The following NBAS variants were observed in gnomAD, a reference collection of about 807,000 sequenced individuals.
NBAS encodes the protein NBAS subunit of NRZ tethering complex, also known as NAG/BC035112 fusion.
NBAS carries 219 observed loss-of-function variants against 302.5 expected under a neutral mutation model. The ratio of observed to expected loss-of-function variants is 0.72; its 90% confidence interval spans 0.65 to 0.81. NBAS has a LOEUF of 0.81. Among genes scored for constraint, NBAS ranks in the 30% least tolerant of loss-of-function variants. The pLI, the probability that NBAS is intolerant of heterozygous loss-of-function variation, is 0.00. For missense variants in NBAS, 2,932 were observed against 2,841.6 expected (o/e 1.03, Z -0.72); for synonymous variants, 1,118 against 1,021.6 (o/e 1.09, Z -1.80).
the NBAS span, among the ~76,000 whole-genome samples, chr2:14,868,850 C>A: frequency 2.0e-5 from 3 of 152,148 alleles, no homozygotes; most frequent in Non-Finnish European, 2.9e-5. Context: ...TACAGCAGAG[C>A]ATAGGGAATA....
At chr2:14,866,177 T>C in the NBAS span, among the ~76,000 whole-genome samples, 2 of 152,168 alleles carry the variant, frequency 1.3e-5, no homozygotes, top group Admixed American at 6.5e-5. Context: ...TCCCACTCCA[T>C]TATTTTAGAG....
intron 21 of NBAS, 87 bp downstream of exon 21, chr2:15,461,112 TTA>T: frequency 1.7e-6 from 2 of 1,205,194 alleles, no homozygotes; most frequent in African/African-American, 1.5e-5. Context: ...TACATTAAAA[TTA>T]TTTTTTTTAA....
At chr2:15,340,769 G>A (rs73197068) in intron 35 of NBAS, among the ~76,000 whole-genome samples, 1,892 of 152,238 alleles carry the variant, frequency 0.012, 36 homozygotes, top group African/African-American at 0.043. Context: ...GCAGTGGCCA[G>A]TGAGGTCTGA....
rs150377968 is a variant in NBAS, at chr2:15,289,103, G to T, written c.5028-1920C>A. Among the ~76,000 whole-genome samples the T allele has an allele frequency of 2.4e-3, 361 of 152,140 alleles. 1 individual carries two copies. Among genetic ancestry groups the T allele is most frequent in the African/African-American group, 8.0e-3 (333 of 41,516 alleles). On this transcript the variant is annotated intron_variant, in intron 41 of 51. Transcript: ENST00000281513. ...TTTATTTTTTATTTTTTGCGACAGGGTCTTTCTCTGCCTTCCAGGCTGGAG... is the reference window on the plus strand; with the variant it reads ...TTTATTTTTTATTTTTTGCGACAGGTTCTTTCTCTGCCTTCCAGGCTGGAG...
At chr2:14,817,994 C>T in the NBAS span, among the ~76,000 whole-genome samples, 2 of 152,158 alleles carry the variant, frequency 1.3e-5, no homozygotes, top group African/African-American at 4.8e-5. Flanking sequence ...AGCTCCTGAT[C>T]ATACTGTTCT....
At chr2:15,316,467 G>A (rs1671515393) in intron 38 of NBAS, among the ~76,000 whole-genome samples, 1 of 152,166 alleles carries the variant, frequency 6.6e-6, no homozygotes, top group Non-Finnish European at 1.5e-5. Context: ...CCCTTTCCTA[G>A]CCAAGGGAAG....
intron 44 of NBAS, among the ~76,000 whole-genome samples, chr2:15,260,849 A>G (rs892053784): frequency 6.6e-5 from 10 of 152,208 alleles, no homozygotes; most frequent in African/African-American, 2.4e-4. Flanking sequence ...GCATATACTG[A>G]AAGCAAACAA....
intron 16 of NBAS, among the ~76,000 whole-genome samples, chr2:15,469,175 G>T (rs996485591): frequency 1.9e-4 from 29 of 152,074 alleles, no homozygotes; most frequent in African/African-American, 6.8e-4. Flanking sequence ...TTGATTTTTT[G>T]AAGGTTTTTT....
At position 15,306,087 on chromosome 2, in the gene NBAS, C is replaced by T. The variant is rs1313462439; in HGVS notation, c.4797+2129G>A. On this transcript the variant is annotated intron_variant, in intron 40 of 51. Coordinates refer to ENST00000281513, the MANE Select transcript of NBAS (RefSeq NM_015909.4). ...AAATTATTTGGCACTTGTGTACACA[C>T]ATAGCACTAATGAAAAGGTAAGAGT... 4.6e-5 allele frequency among the ~76,000 whole-genome samples: 7 copies of T among 152,314 alleles called. No individual in the cohort carries two copies. In the East Asian group the frequency reaches 1.2e-3, roughly 25 times the overall value.
At chr2:14,856,172 T>G in the NBAS span, among the ~76,000 whole-genome samples, 1 of 152,192 alleles carries the variant, frequency 6.6e-6, no homozygotes, top group East Asian at 1.9e-4. Context: ...CAGAGAATTC[T>G]CCCAGATCTT....
At chr2:14,808,201 A>C in the NBAS span, among the ~76,000 whole-genome samples, 2 of 152,234 alleles carry the variant, frequency 1.3e-5, no homozygotes, top group African/African-American at 4.8e-5. Context: ...AAAATAAACT[A>C]AATTCAGAGA....
chr2:15,268,432 A>G lies in NBAS; in HGVS notation c.5724+7052T>C, dbSNP rs184141293. Among the ~76,000 whole-genome samples the G allele has an allele frequency of 7.9e-5, 12 of 152,280 alleles. No homozygotes were observed. In the South Asian group the frequency reaches 1.4e-3, roughly 18 times the overall value. ...TTTCAAAGGCGTGGTTTTTTTAAAA[A>G]GGCAAAAGATCTCACTGTCATTTTT... On this transcript the variant is annotated intron_variant, in intron 44 of 51. Transcript: ENST00000281513.
the NBAS span, among the ~76,000 whole-genome samples, chr2:15,051,676 G>A: frequency 6.6e-6 from 1 of 152,146 alleles, no homozygotes; most frequent in Non-Finnish European, 1.5e-5. Flanking sequence ...ACCATAATTA[G>A]GTTAATGGCT....
intron 38 of NBAS, among the ~76,000 whole-genome samples, chr2:15,311,280 C>A (rs1671264149): frequency 6.6e-6 from 1 of 152,186 alleles, no homozygotes; most frequent in Admixed American, 6.5e-5. Context: ...TTATAAAAAT[C>A]TTTCTGGTTT....
At chr2:15,468,132 A>C (rs767669883) in intron 17 of NBAS, among the ~76,000 whole-genome samples, 1 of 110,682 alleles carries the variant, frequency 9.0e-6, no homozygotes, top group Non-Finnish European at 2.1e-5. Flanking sequence ...ACTTCTACTT[A>C]AGGTCTTCAA....
At chr2:15,449,352 T>C (rs1458507727) in intron 21 of NBAS, among the ~76,000 whole-genome samples, 1 of 152,216 alleles carries the variant, frequency 6.6e-6, no homozygotes, top group East Asian at 1.9e-4. Context: ...GTGAACTATA[T>C]GTGAAACATA....
At chr2:15,086,999 C>G in the NBAS span, among the ~76,000 whole-genome samples, 108 of 151,534 alleles carry the variant, frequency 7.1e-4, no homozygotes, top group South Asian at 0.011. Context: ...ACACCACACC[C>G]CTGGAGAAGA....
chr2:15,283,993 C>T (rs1449458957), intron 42 of NBAS, among the ~76,000 whole-genome samples: 2 of 152,092 alleles, frequency 1.3e-5, no homozygotes, highest in Admixed American at 1.3e-4. Context: ...GACAAATCAG[C>T]CTTGAGTCTG....
chr2:15,119,157 A>G, the NBAS span, among the ~76,000 whole-genome samples: 1 of 152,116 alleles, frequency 6.6e-6, no homozygotes, highest in Non-Finnish European at 1.5e-5. Flanking sequence ...AGGCAAGCCC[A>G]TGGCACTGAG....
Sources: gnomAD v4.1 joint callset for allele counts (sites outside exome capture counted in the v4.1 genomes callset) on GRCh38, gnomAD v4.1.1 for gene constraint, MANE v1.5 for transcripts, NCBI Gene and HGNC (gene_info 2026-07-23, HGNC 2026-07-21) for gene names.